The following ADAM32 variants were observed in gnomAD, a reference collection of about 807,000 sequenced individuals.
ADAM32 encodes disintegrin and metalloproteinase domain-containing protein 32.
ADAM32 carries 89 observed loss-of-function variants against 114.9 expected under a neutral mutation model. The ratio of observed to expected loss-of-function variants is 0.77; its 90% confidence interval spans 0.65 to 0.92. ADAM32 has a LOEUF of 0.92. Among genes scored for constraint, ADAM32 ranks in the 40% least tolerant of loss-of-function variants. ADAM32 has a pLI of 0.00. For missense variants in ADAM32, 870 were observed against 932.8 expected, an observed-to-expected ratio of 0.93 and a Z score of 0.88; for synonymous variants, 285 against 307.5, an observed-to-expected ratio of 0.93 and a Z score of 0.77.
At chr8:39,223,292 C>A in intron 14 of ADAM32, 54 bp downstream of exon 14, 1 of 1,244,568 alleles carries the variant, frequency 8.0e-7, no homozygotes, top group Non-Finnish European at 1.1e-6. Context: ...TTAACATTAC[C>A]AGGATAATGG....
chr8:39,259,344 C>A (rs544803775), intron 19 of ADAM32, among the ~76,000 whole-genome samples: 1 of 151,934 alleles, frequency 6.6e-6, no homozygotes, highest in Non-Finnish European at 1.5e-5. Context: ...GTATTACAGG[C>A]GTGCACCACC....
At chr8:39,158,664 G>T in intron 6 of ADAM32, 2 of 175,174 alleles carry the variant, frequency 1.1e-5, no homozygotes, top group South Asian at 2.7e-4. Context: ...GAAGCCCGGG[G>T]ACCCATGTCT....
intron 3 of ADAM32, among the ~76,000 whole-genome samples, chr8:39,138,069 G>T (rs1033263153): frequency 5.3e-5 from 8 of 152,110 alleles, no homozygotes; most frequent in Non-Finnish European, 1.2e-4. Context: ...ATAGCCTAAC[G>T]ACCATTAGGA....
At chr8:39,174,312 A>G (rs1345773127) in intron 10 of ADAM32, among the ~76,000 whole-genome samples, 3 of 152,130 alleles carry the variant, frequency 2.0e-5, no homozygotes, top group African/African-American at 2.4e-5. Context: ...ATTCTGTTCT[A>G]TTGGTCTATG....
intron 2 of ADAM32, among the ~76,000 whole-genome samples, chr8:39,128,487 C>T (rs567312680): frequency 6.6e-6 from 1 of 152,248 alleles, no homozygotes; most frequent in South Asian, 2.1e-4. Flanking sequence ...CAGTCTGTGT[C>T]TTTTAATTGG....
rs1809176155 is a variant in ADAM32, at chr8:39,224,058, A to G, written c.1525+820A>G. The G allele has an allele frequency of 2.6e-5, 4 of 152,154 alleles. No homozygotes were observed. In the South Asian group the frequency reaches 6.2e-4, roughly 24 times the overall value. The allele number at this position is 152,154 out of a possible 1,614,324, so 9.4% of individuals were successfully genotyped here. The stretch of plus-strand genomic sequence containing the variant: ...TCTATATAAACACAGACATATATAT[A>G]TCATATTTTTAATACATTTATCTGT... On this transcript the variant is annotated intron_variant, in intron 14 of 24. Coordinates refer to ENST00000379907, the MANE Select transcript of ADAM32 (RefSeq NM_145004.7).
intron 5 of ADAM32, among the ~76,000 whole-genome samples, 181 bp from the exon 6 acceptor site, chr8:39,151,196 A>G (rs948881215): frequency 6.6e-6 from 1 of 152,174 alleles, no homozygotes; most frequent in African/African-American, 2.4e-5. Context: ...CAAAAACGAA[A>G]TAGAAAATGG....
intron 5 of ADAM32, among the ~76,000 whole-genome samples, chr8:39,150,134 G>A (rs1276167753): frequency 6.6e-6 from 1 of 152,050 alleles, no homozygotes; most frequent in Non-Finnish European, 1.5e-5. Context: ...AAAGACAATT[G>A]AACATGTTTG....
chr8:39,164,237 A>G (rs1804692681), intron 7 of ADAM32, among the ~76,000 whole-genome samples: 1 of 152,192 alleles, frequency 6.6e-6, no homozygotes, highest in Non-Finnish European at 1.5e-5. Context: ...AGCAGTCTGT[A>G]TCCTTTTGAG....
At chr8:39,212,367 A>T (rs1808285118) in intron 12 of ADAM32, among the ~76,000 whole-genome samples, 1 of 152,136 alleles carries the variant, frequency 6.6e-6, no homozygotes, top group African/African-American at 2.4e-5. Flanking sequence ...ACATACAATA[A>T]AATGCACCCA....
At chr8:39,150,065 T>C (rs900899463) in intron 5 of ADAM32, among the ~76,000 whole-genome samples, 198 bp downstream of exon 5, 1 of 152,156 alleles carries the variant, frequency 6.6e-6, no homozygotes, top group African/African-American at 2.4e-5. Context: ...TCTAACCTTT[T>C]CAAAGGTTTA....
At chr8:39,231,526 A>T (rs1163682974) in intron 14 of ADAM32, among the ~76,000 whole-genome samples, 1 of 152,150 alleles carries the variant, frequency 6.6e-6, no homozygotes, top group Non-Finnish European at 1.5e-5. Context: ...AATCTTTTCT[A>T]ATTTTTTACA....
intron 3 of ADAM32, among the ~76,000 whole-genome samples, chr8:39,139,674 A>T (rs1188444004): frequency 6.6e-6 from 1 of 152,118 alleles, no homozygotes; most frequent in East Asian, 1.9e-4. Context: ...TTTTGGTTCC[A>T]TATGAACTTT....
At chr8:39,243,463 T>A (rs1364683474) in intron 16 of ADAM32, among the ~76,000 whole-genome samples, 1 of 152,184 alleles carries the variant, frequency 6.6e-6, no homozygotes, top group African/African-American at 2.4e-5. Flanking sequence ...ATACCAGAGA[T>A]GCAAGTTTAG....
chr8:39,242,452 T>C (rs1810626097), intron 16 of ADAM32, among the ~76,000 whole-genome samples: 1 of 152,236 alleles, frequency 6.6e-6, no homozygotes, highest in Non-Finnish European at 1.5e-5. Flanking sequence ...AGAAGTTTAA[T>C]GGACTTACAG....
At chr8:39,280,938 A>C (rs1396887149) in intron 22 of ADAM32, among the ~76,000 whole-genome samples, 198 bp from the exon 23 acceptor site, 2 of 151,574 alleles carry the variant, frequency 1.3e-5, no homozygotes, top group Admixed American at 1.3e-4. Flanking sequence ...GCCCGCCACC[A>C]CACCTGGCTA....
At chr8:39,121,966 C>T (rs960527881) in intron 2 of ADAM32, among the ~76,000 whole-genome samples, 3 of 152,146 alleles carry the variant, frequency 2.0e-5, no homozygotes, top group South Asian at 2.1e-4. Context: ...GGGATTGTCA[C>T]CCCTTTCTTT....
chr8:39,145,716 A>G (rs1467230641), intron 3 of ADAM32, among the ~76,000 whole-genome samples: 1 of 151,928 alleles, frequency 6.6e-6, no homozygotes, highest in Non-Finnish European at 1.5e-5. Context: ...TGTTTAATGT[A>G]TTTTAAAATT....
chr8:39,113,191 C>CT (rs1396782469), intron 1 of ADAM32, among the ~76,000 whole-genome samples: 4 of 152,170 alleles, frequency 2.6e-5, no homozygotes. Context: ...ACAGAGATGA[C>CT]TCAACCTAGG....
Sources: gnomAD v4.1 joint callset for allele counts (sites outside exome capture counted in the v4.1 genomes callset) on GRCh38, gnomAD v4.1.1 for gene constraint, MANE v1.5 for transcripts, NCBI Gene and HGNC (gene_info 2026-07-23, HGNC 2026-07-21) for gene names.